EFCAB8: variants seen among roughly 807,000 people sequenced by gnomAD.
EFCAB8 encodes EF-hand calcium binding domain 8.
In EFCAB8, 100 loss-of-function variants were observed where a neutral mutation model predicts 116.3. The observed-to-expected ratio is 0.86, with a 90% CI of 0.73 to 1.02. The LOEUF (loss-of-function observed/expected upper bound fraction) is 1.02, where lower values mean the gene tolerates loss of function less well. Among genes scored for constraint, EFCAB8 ranks in the 50% least tolerant of loss-of-function variants. The probability of loss-of-function intolerance (pLI) is 0.00; values close to 1 mark genes in which losing one functional copy is unlikely to be tolerated. For synonymous variants in EFCAB8, 558 were observed against 567.9 expected, an observed-to-expected ratio of 0.98 and a Z score of 0.25; for missense variants, 1,320 against 1,416.9, an observed-to-expected ratio of 0.93 and a Z score of 1.10.
chr20:32,908,456 G>A (rs1986779189), intron 14 of EFCAB8, 44 bp downstream of exon 14: 9 of 1,249,516 alleles, frequency 7.2e-6, no homozygotes, highest in African/African-American at 6.2e-5. Flanking sequence ...GCCGCAGGTG[G>A]AGGGCCAGGG....
At chr20:32,880,372 G>A (rs1985266658) in intron 5 of EFCAB8, among the ~76,000 whole-genome samples, 2 of 151,858 alleles carry the variant, frequency 1.3e-5, no homozygotes, top group South Asian at 2.1e-4. Flanking sequence ...GGGTTCAAGC[G>A]ATTCTCCCGC....
At chr20:32,884,621 A>G (rs556115209) in intron 5 of EFCAB8, among the ~76,000 whole-genome samples, 1 of 152,330 alleles carries the variant, frequency 6.6e-6, no homozygotes, top group South Asian at 2.1e-4. Context: ...GGGTCAGACC[A>G]GGCCTACCGG....
intron 22 of EFCAB8, among the ~76,000 whole-genome samples, chr20:32,934,028 T>TG (rs71190885): frequency 1.3e-5 from 2 of 151,504 alleles, no homozygotes; most frequent in Non-Finnish European, 2.9e-5. Flanking sequence ...TTTTTTTTTT[T>TG]GTAGAGATGA....
At chr20:32,896,617 C>T in intron 10 of EFCAB8, 90 bp downstream of exon 10, 1 of 693,632 alleles carries the variant, frequency 1.4e-6, no homozygotes. Context: ...GATTTACTCC[C>T]TGGGTTCAGT....
chr20:32,859,719 T>A (rs535985863), intron 1 of EFCAB8, among the ~76,000 whole-genome samples: 1 of 152,236 alleles, frequency 6.6e-6, no homozygotes, highest in Non-Finnish European at 1.5e-5. Flanking sequence ...ATTTGAGAAT[T>A]ACAGACATCA....
chr20:32,874,611 G>A (rs1443548123), intron 3 of EFCAB8, among the ~76,000 whole-genome samples: 5 of 151,842 alleles, frequency 3.3e-5, no homozygotes, highest in African/African-American at 9.7e-5. Flanking sequence ...GTGCAATCTC[G>A]GTTCACTGCA....
At chr20:32,923,487 A>G (rs993991688) in intron 20 of EFCAB8, among the ~76,000 whole-genome samples, 1 of 152,130 alleles carries the variant, frequency 6.6e-6, no homozygotes, top group Admixed American at 6.5e-5. Flanking sequence ...TTCGCCTCCA[A>G]AACAACACCA....
At position 32,863,779 on chromosome 20, in the gene EFCAB8, C is replaced by T; in HGVS notation, c.-10-4C>T. Reference sequence around the variant, plus strand: ...GTTAAGTTGACTATGATTCCCTATTCTAGGTCAAGGCTAATGTCTTCTGAA... The same window carrying T: ...GTTAAGTTGACTATGATTCCCTATTTTAGGTCAAGGCTAATGTCTTCTGAA... On this transcript the variant is annotated splice_polypyrimidine_tract_variant and splice_region_variant and intron_variant, in intron 1 of 26. Coordinates refer to ENST00000400522, the MANE Select transcript of EFCAB8 (RefSeq NM_001143967.2). 1 of 1,550,758 alleles carries T rather than the reference C, an allele frequency of 6.4e-7. No individual in the cohort carries two copies. The highest frequency in any genetic ancestry group is 8.7e-7 in the Non-Finnish European group (1 of 1,146,702).
rs1486916805 is a variant in EFCAB8 at position 32,930,579 on chromosome 20, G to C, written c.2594G>C (p.Trp865Ser). Residue 865 changes from tryptophan (W) to serine (S), a missense_variant, in exon 21 of 27, where the codon TGG becomes TCG. Trp to Ser is a radical substitution (Grantham distance 177, BLOSUM62 -3). Coordinates refer to ENST00000400522, the MANE Select transcript of EFCAB8 (RefSeq NM_001143967.2). ...GCCATGGCCACTGATAAAAATGACT[G>C]GATCCTCATCACGGGGGATTGTAAA... Reference protein sequence around the residue: ...VGAMATDKNDWILITGDCKGY... With the variant: ...VGAMATDKNDSILITGDCKGY... 6.4e-7 allele frequency: 1 copy of C among 1,552,314 alleles called. No individual in the cohort carries two copies. The highest frequency in any genetic ancestry group is 2.4e-5 in the East Asian group (1 of 40,922).
At chr20:32,878,421 G>A (rs1985105853) in intron 4 of EFCAB8, among the ~76,000 whole-genome samples, 1 of 151,908 alleles carries the variant, frequency 6.6e-6, no homozygotes, top group Non-Finnish European at 1.5e-5. Flanking sequence ...GCCCTGGCCA[G>A]TACTTGGGAA....
chr20:32,922,419 A>G (rs1987498158), intron 20 of EFCAB8, among the ~76,000 whole-genome samples: 1 of 152,220 alleles, frequency 6.6e-6, no homozygotes, highest in Non-Finnish European at 1.5e-5. Context: ...TGCTGTCAGG[A>G]CACAGGCATT....
At chr20:32,870,683 G>A (rs538187481) in intron 3 of EFCAB8, among the ~76,000 whole-genome samples, 26 of 151,976 alleles carry the variant, frequency 1.7e-4, no homozygotes, top group Non-Finnish European at 3.5e-4. Flanking sequence ...AAACTTTTTG[G>A]TAGAGATGGG....
At chr20:32,889,792 A>G (rs1401337897) in intron 7 of EFCAB8, among the ~76,000 whole-genome samples, 1 of 152,032 alleles carries the variant, frequency 6.6e-6, no homozygotes, top group East Asian at 1.9e-4. Context: ...ACCTGAGGTC[A>G]GGAGTTCAAG....
intron 20 of EFCAB8, among the ~76,000 whole-genome samples, chr20:32,925,371 C>A (rs987460553): frequency 6.6e-6 from 1 of 152,108 alleles, no homozygotes; most frequent in Non-Finnish European, 1.5e-5. Flanking sequence ...AGGTGTGTGC[C>A]ACCACACCTG....
At position 32,906,883 on chromosome 20, in the gene EFCAB8, C is replaced by A; in HGVS notation, c.1197C>A (p.Pro399=). The change falls in exon 13 of 27, where the codon CCC becomes CCA. Residue 399 remains proline, a synonymous_variant. Transcript: ENST00000400522. ...ATGCCTTCATCCGCCTGTGGAACCCCTTTGTCTCAAAGAGGCCCGTGTGGC... is the reference window on the plus strand; with the variant it reads ...ATGCCTTCATCCGCCTGTGGAACCCATTTGTCTCAAAGAGGCCCGTGTGGC... The part of the protein sequence containing the change: ...GYDAFIRLWN[P]FVSKRPVWLM... The A allele has an allele frequency of 6.5e-7, 1 of 1,550,020 alleles. No individual in the cohort carries two copies. The highest frequency in any genetic ancestry group is 8.7e-7 in the Non-Finnish European group (1 of 1,145,464).
chr20:32,899,362 G>A (rs1239495232), intron 11 of EFCAB8, among the ~76,000 whole-genome samples: 7 of 141,920 alleles, frequency 4.9e-5, no homozygotes, highest in East Asian at 2.0e-4. Context: ...CCGAGATTGC[G>A]CCACTGCACT....
intron 22 of EFCAB8, among the ~76,000 whole-genome samples, chr20:32,933,741 G>A (rs1281658451): frequency 6.6e-6 from 1 of 152,174 alleles, no homozygotes; most frequent in Non-Finnish European, 1.5e-5. Flanking sequence ...TACTTTGGGA[G>A]GCCGAGGCGG....
chr20:32,930,120 T>C (rs1987837043), intron 20 of EFCAB8, among the ~76,000 whole-genome samples: 1 of 152,222 alleles, frequency 6.6e-6, no homozygotes, highest in African/African-American at 2.4e-5. Context: ...TTGATAAACA[T>C]TTATTGATCA....
At chr20:32,913,337 A>G (rs964351841) in intron 17 of EFCAB8, among the ~76,000 whole-genome samples, 3 of 152,138 alleles carry the variant, frequency 2.0e-5, no homozygotes, top group African/African-American at 7.2e-5. Context: ...AAGGGTTAAG[A>G]AATCTCTCTG....
Sources: gnomAD v4.1 joint callset for allele counts (sites outside exome capture counted in the v4.1 genomes callset) on GRCh38, gnomAD v4.1.1 for gene constraint, MANE v1.5 for transcripts, NCBI Gene and HGNC (gene_info 2026-07-23, HGNC 2026-07-21) for gene names.